Variants in ATP6V0A4 observed in about 807,000 individuals in gnomAD.
The protein encoded by ATP6V0A4 is V-type proton ATPase 116 kDa subunit a 4.
ATP6V0A4 carries 86 observed loss-of-function variants against 107.3 expected under a neutral mutation model. The ratio of observed to expected loss-of-function variants is 0.80; its 90% CI spans 0.67 to 0.96. The LOEUF is 0.96. Among genes scored for constraint, ATP6V0A4 ranks in the 40% least tolerant of loss-of-function variants. ATP6V0A4 has a pLI of 0.00. For missense variants in ATP6V0A4, 908 were observed against 1,045.6 expected, an observed-to-expected ratio of 0.87 and a Z score of 1.81; for synonymous variants, 353 against 381.4, an observed-to-expected ratio of 0.93 and a Z score of 0.87.
At chr7:138,736,091 A>AACAG (rs111243203) in intron 15 of ATP6V0A4, among the ~76,000 whole-genome samples, 1 of 151,962 alleles carries the variant, frequency 6.6e-6, no homozygotes, top group African/African-American at 2.4e-5. Flanking sequence ...CAAACAAACA[A>AACAG]AAATTAGCCC....
At chr7:138,762,791 G>GGTGA in intron 6 of ATP6V0A4, 109 bp downstream of exon 6, 1 of 1,305,306 alleles carries the variant, frequency 7.7e-7, no homozygotes, top group Non-Finnish European at 1.1e-6. Context: ...GCCTAGCCAT[G>GGTGA]GAACAGAAAC....
At chr7:138,795,420 C>G (rs181431119) in intron 1 of ATP6V0A4, among the ~76,000 whole-genome samples, 405 of 152,270 alleles carry the variant, frequency 2.7e-3, no homozygotes, top group African/African-American at 9.6e-3. Context: ...GCTGCAGATG[C>G]TGTTCAATCC....
chr7:138,798,153 G>C lies in ATP6V0A4; in HGVS notation c.-240C>G, dbSNP rs200591064. 674 of 1,600,448 alleles carry C rather than the reference G, an allele frequency of 4.2e-4. No homozygotes were observed. Among genetic ancestry groups the C allele is most frequent in the South Asian group, 5.6e-4 (49 of 88,234 alleles). On this transcript the variant is annotated 5_prime_UTR_variant, in exon 1 of 22. Transcript: ENST00000310018. ...CCGGGCCACCCTGATCCTCAGCCTG[G>C]CCTTTGCCTCCCTCCACTCGGCTTG...
intron 2 of ATP6V0A4, among the ~76,000 whole-genome samples, chr7:138,785,410 G>A (rs929503306): frequency 1.3e-5 from 2 of 151,822 alleles, no homozygotes. Context: ...TGAGTAGCTA[G>A]GACTACAGGT....
chr7:138,718,483 T>G (rs1584894077), intron 19 of ATP6V0A4, among the ~76,000 whole-genome samples: 2 of 88,560 alleles, frequency 2.3e-5, no homozygotes, highest in African/African-American at 4.5e-5. Context: ...GCGGGGAGGG[T>G]GCAGTCACGG....
Position 138,768,828 on chromosome 7 carries a change from G to A in ATP6V0A4, c.243C>T (p.Leu81=), listed in dbSNP as rs137955459. The change falls in exon 5 of 22, where the codon CTC becomes CTT. Residue 81 remains leucine (L), a synonymous_variant. Coordinates refer to ENST00000310018, the MANE Select transcript of ATP6V0A4 (RefSeq NM_020632.3). ...GGAGCGGGGTCAGTGGGCTTTTCTC[G>A]AGCAACTGAACTACAATCTCATTTT... ...EMQNEIVVQL[L]EKSPLTPLPR... The A allele has an allele frequency of 7.4e-6, 12 of 1,613,972 alleles. No individual in the cohort carries two copies. The highest frequency in any genetic ancestry group is 1.1e-5 in the South Asian group (1 of 91,072).
chr7:138,715,691 T>G, intron 20 of ATP6V0A4, 73 bp downstream of exon 20: 3 of 1,563,034 alleles, frequency 1.9e-6, no homozygotes, highest in Non-Finnish European at 1.8e-6. Context: ...CACCTTTACT[T>G]CCAAATACAT....
chr7:138,711,557 A>G lies in ATP6V0A4; in HGVS notation c.2258-1762T>C, dbSNP rs146554128. On this transcript the variant is annotated intron_variant, in intron 20 of 21. Transcript: ENST00000310018. The stretch of plus-strand genomic sequence containing the variant: ...GCAAGCGGCTATCAGAACATGATAA[A>G]CGCAGAGACATGGAACGCAAGGAAG... Among the ~76,000 whole-genome samples, 3 of 152,266 alleles carry G rather than the reference A, an allele frequency of 2.0e-5. No individual in the cohort carries two copies. In the East Asian group the frequency reaches 5.8e-4, roughly 29 times the overall value.
intron 20 of ATP6V0A4, among the ~76,000 whole-genome samples, chr7:138,712,797 A>T (rs1225490015): frequency 2.0e-5 from 3 of 152,000 alleles, no homozygotes; most frequent in African/African-American, 2.4e-5. Flanking sequence ...ACATAGGGCC[A>T]AGAATACCAA....
At chr7:138,771,954 A>G (rs190030288) in intron 2 of ATP6V0A4, among the ~76,000 whole-genome samples, 2 of 152,304 alleles carry the variant, frequency 1.3e-5, no homozygotes, top group African/African-American at 4.8e-5. Flanking sequence ...TAAAGACTCA[A>G]GTTGTGGAGG....
At chr7:138,726,279 G>A (rs981982580) in intron 18 of ATP6V0A4, among the ~76,000 whole-genome samples, 2 of 152,212 alleles carry the variant, frequency 1.3e-5, no homozygotes, top group African/African-American at 2.4e-5. Flanking sequence ...GTGAGCCACC[G>A]TGCCCGGCCG....
intron 8 of ATP6V0A4, among the ~76,000 whole-genome samples, chr7:138,758,982 C>G (rs1806648377): frequency 6.6e-6 from 1 of 150,906 alleles, no homozygotes; most frequent in Non-Finnish European, 1.5e-5. Flanking sequence ...AATTCCTGAC[C>G]TCAGGTGATC....
intron 19 of ATP6V0A4, among the ~76,000 whole-genome samples, chr7:138,720,194 T>A (rs2117208570): frequency 6.6e-6 from 1 of 152,176 alleles, no homozygotes; most frequent in African/African-American, 2.4e-5. Flanking sequence ...TGGGCAGATG[T>A]GACAGTCAAG....
At chr7:138,736,627 A>G (rs1376760002) in intron 15 of ATP6V0A4, among the ~76,000 whole-genome samples, 1 of 151,662 alleles carries the variant, frequency 6.6e-6, no homozygotes, top group Non-Finnish European at 1.5e-5. Context: ...GCTGGGGTGC[A>G]ATGGTGCAAT....
Position 138,735,591 on chromosome 7 carries a change from G to A in ATP6V0A4, c.1573-1337C>T, listed in dbSNP as rs117635403. 8.7e-3 allele frequency among the ~76,000 whole-genome samples: 1,319 copies of A among 152,304 alleles called. 6 individuals are homozygous for A. Among genetic ancestry groups the A allele is most frequent in the Non-Finnish European group, 0.013 (882 of 68,032 alleles). On this transcript the variant is annotated intron_variant, in intron 15 of 21. Transcript: ENST00000310018. Reference sequence around the variant, plus strand: ...CAGAGGGGCACCCACTGAGGAGCCGGCTGCTGGGAAGCGGGGAGAAGGGAC... The same window carrying A: ...CAGAGGGGCACCCACTGAGGAGCCGACTGCTGGGAAGCGGGGAGAAGGGAC...
At chr7:138,732,726 G>A in intron 17 of ATP6V0A4, 151 bp downstream of exon 17, 1 of 840,000 alleles carries the variant, frequency 1.2e-6, no homozygotes, top group Non-Finnish European at 1.8e-6. Context: ...CCCAGGAGGT[G>A]GAGGTTGCAG....
chr7:138,725,014 C>A (rs1804635955), intron 18 of ATP6V0A4, among the ~76,000 whole-genome samples: 1 of 152,162 alleles, frequency 6.6e-6, no homozygotes, highest in Non-Finnish European at 1.5e-5. Flanking sequence ...CTCACACTTA[C>A]AATCCCAGTG....
chr7:138,793,713 CT>C (rs1808530717), intron 1 of ATP6V0A4, among the ~76,000 whole-genome samples: 1 of 152,098 alleles, frequency 6.6e-6, no homozygotes, highest in African/African-American at 2.4e-5. Context: ...AAAAAGATAA[CT>C]AGAAAACCTC....
At chr7:138,722,787 A>G (rs1804493386) in intron 18 of ATP6V0A4, among the ~76,000 whole-genome samples, 1 of 148,146 alleles carries the variant, frequency 6.8e-6, no homozygotes, top group African/African-American at 2.5e-5. Context: ...GGCCAGGCAC[A>G]GTGGCTCATG....
Sources: gnomAD v4.1 joint callset for allele counts (sites outside exome capture counted in the v4.1 genomes callset) on GRCh38, gnomAD v4.1.1 for gene constraint, MANE v1.5 for transcripts, NCBI Gene and HGNC (gene_info 2026-07-23, HGNC 2026-07-21) for gene names.